Variants in NCKAP5 observed in about 807,000 individuals in gnomAD.
NCKAP5 encodes the protein nck-associated protein 5.
A neutral mutation model predicts 167.0 loss-of-function variants in NCKAP5; 92 were observed. The ratio of observed to expected loss-of-function variants is 0.55; its 90% CI spans 0.47 to 0.66. The LOEUF (loss-of-function observed/expected upper bound fraction) is 0.66. Among genes scored for constraint, NCKAP5 ranks in the 30% least tolerant of loss-of-function variants. The probability of loss-of-function intolerance (pLI) is 0.00; values close to 1 mark genes in which losing one functional copy is unlikely to be tolerated. For synonymous variants in NCKAP5, 891 were observed against 877.4 expected (o/e 1.02, Z -0.27); for missense variants, 2,378 against 2,315.0 (o/e 1.03, Z -0.56).
Position 132,806,193 on chromosome 2 carries a change from T to G in NCKAP5, c.808-9464A>C, listed in dbSNP as rs546831514. Among the ~76,000 whole-genome samples the G allele has an allele frequency of 1.4e-3, 215 of 152,372 alleles. 1 individual carries two copies. The highest frequency in any genetic ancestry group is 4.9e-3 in the African/African-American group (204 of 41,596). On this transcript the variant is annotated intron_variant, in intron 11 of 19. Coordinates refer to ENST00000409261, the MANE Select transcript of NCKAP5 (RefSeq NM_207363.3). ...CTCATTGACTGATGGGCATGTGGGT[T>G]GGTTACACAATTTTGCAATTGCGAA...
chr2:133,184,481 C>T (rs528032909), intron 5 of NCKAP5, among the ~76,000 whole-genome samples: 3 of 151,982 alleles, frequency 2.0e-5, no homozygotes, highest in African/African-American at 7.3e-5. Flanking sequence ...GGGTGTATAC[C>T]CAGTAATCGG....
intron 6 of NCKAP5, among the ~76,000 whole-genome samples, chr2:133,065,184 A>T (rs1332286364): frequency 6.6e-6 from 1 of 152,194 alleles, no homozygotes; most frequent in African/African-American, 2.4e-5. Flanking sequence ...CCATAGTTCT[A>T]ATGGCTCTTT....
chr2:132,688,409 C>T (rs146635063), intron 19 of NCKAP5, among the ~76,000 whole-genome samples: 1 of 151,960 alleles, frequency 6.6e-6, no homozygotes, highest in African/African-American at 2.4e-5. Flanking sequence ...CAAAAACACA[C>T]AAAAAAATCA....
intron 4 of NCKAP5, among the ~76,000 whole-genome samples, chr2:133,296,701 C>A (rs530023694): frequency 6.6e-6 from 1 of 152,312 alleles, no homozygotes; most frequent in East Asian, 1.9e-4. Flanking sequence ...TTAATACCTT[C>A]TTTTCACAGA....
intron 3 of NCKAP5, among the ~76,000 whole-genome samples, chr2:133,465,574 G>A (rs1198393254): frequency 6.6e-6 from 1 of 152,190 alleles, no homozygotes; most frequent in Non-Finnish European, 1.5e-5. Context: ...GATCCCTGAG[G>A]AATTGCCATA....
chr2:133,231,045 T>C (rs1459450409), intron 4 of NCKAP5, among the ~76,000 whole-genome samples: 2 of 152,196 alleles, frequency 1.3e-5, no homozygotes, highest in Non-Finnish European at 2.9e-5. Context: ...AAGGGAAAGA[T>C]ATTGTGAGGC....
chr2:133,404,719 G>T (rs1688315580), intron 3 of NCKAP5, among the ~76,000 whole-genome samples: 1 of 152,182 alleles, frequency 6.6e-6, no homozygotes, highest in Non-Finnish European at 1.5e-5. Flanking sequence ...GGGAAAATTT[G>T]TCCATTGTCT....
Position 133,413,748 on chromosome 2 carries a change from G to A in NCKAP5, c.69+103710C>T, listed in dbSNP as rs548354548. On this transcript the variant is annotated intron_variant, in intron 3 of 19. Transcript: ENST00000409261. ...TGTTCCCACAATAACATGTTCTCCC[G>A]TAACAATCAGAAGAAGCAGAGAAGC... is the stretch of plus-strand genomic sequence containing the variant. Among the ~76,000 whole-genome samples, 5 of 152,216 alleles carry A rather than the reference G, an allele frequency of 3.3e-5. No individual in the cohort carries two copies. The South Asian group carries it at 6.2e-4, about 19-fold the overall frequency.
chr2:133,348,724 A>G (rs891245151), intron 3 of NCKAP5, among the ~76,000 whole-genome samples: 1 of 152,188 alleles, frequency 6.6e-6, no homozygotes, highest in African/African-American at 2.4e-5. Context: ...TATTGCAGAC[A>G]ACATTTTCCT....
chr2:133,499,303 C>A, intron 3 of NCKAP5, among the ~76,000 whole-genome samples: 1 of 152,106 alleles, frequency 6.6e-6, no homozygotes, highest in Non-Finnish European at 1.5e-5. Context: ...ATTTAACTTG[C>A]AAAGCTTACT....
rs1681796800 is a variant in NCKAP5, at chr2:133,494,867, G to A, written c.69+22591C>T. On this transcript the variant is annotated intron_variant, in intron 3 of 19. Transcript: ENST00000409261. ...AGTAGAGGAAAATCTACATTTTGTC[G>A]AGAATCCCCTTCCCTTTCCAGGTCT... Among the ~76,000 whole-genome samples, 5 of 152,098 alleles carry A rather than the reference G, an allele frequency of 3.3e-5. No homozygotes were observed. The South Asian group carries it at 8.3e-4, about 25-fold the overall frequency.
Position 133,105,481 on chromosome 2 carries a change from T to A in NCKAP5, c.341+24497A>T, listed in dbSNP as rs570447592. ...ATCCAATTGACTTTCTCACTCTACA[T>A]GGGAGAATTTCCTCTCTCTACTCTT... On this transcript the variant is annotated intron_variant, in intron 6 of 19. Transcript: ENST00000409261. Among the ~76,000 whole-genome samples, 13 of 152,366 alleles carry A rather than the reference T, an allele frequency of 8.5e-5. 2 individuals are homozygous for A. The South Asian group carries it at 2.1e-3, about 24-fold the overall frequency.
Position 132,794,505 on chromosome 2 carries a change from G to A in NCKAP5, c.909+2123C>T, listed in dbSNP as rs575848399. ...AAAAAATTTAGCCAGGCATGGTGGT[G>A]TGCACCTGTAATCCCAGCTACCTGG... is the stretch of plus-strand genomic sequence containing the variant. On this transcript the variant is annotated intron_variant, in intron 12 of 19. Coordinates refer to ENST00000409261, the MANE Select transcript of NCKAP5 (RefSeq NM_207363.3). Among the ~76,000 whole-genome samples, 3 of 151,660 alleles carry A rather than the reference G, an allele frequency of 2.0e-5. No homozygotes were observed. The South Asian group carries it at 6.3e-4, about 32-fold the overall frequency.
chr2:133,176,629 C>T (rs2084473512), intron 5 of NCKAP5, among the ~76,000 whole-genome samples: 1 of 152,196 alleles, frequency 6.6e-6, no homozygotes, highest in South Asian at 2.1e-4. Context: ...TGCTAGTAAC[C>T]TGGTTTCTAG....
chr2:133,628,966 C>T, the NCKAP5 span, among the ~76,000 whole-genome samples: 5 of 152,186 alleles, frequency 3.3e-5, no homozygotes, highest in South Asian at 6.2e-4. Context: ...CCCTTCCTTA[C>T]ACCTTATACA....
intron 3 of NCKAP5, among the ~76,000 whole-genome samples, chr2:133,309,139 A>G (rs907085503): frequency 2.0e-5 from 3 of 152,218 alleles, no homozygotes; most frequent in African/African-American, 7.2e-5. Flanking sequence ...TATATGAAAG[A>G]TTAAAAGTAA....
intron 3 of NCKAP5, among the ~76,000 whole-genome samples, chr2:133,360,908 GA>G (rs1414197829): frequency 6.6e-6 from 1 of 151,054 alleles, no homozygotes; most frequent in African/African-American, 2.4e-5. Flanking sequence ...TCAGCAACTG[GA>G]ACCAATACAT....
intron 5 of NCKAP5, among the ~76,000 whole-genome samples, chr2:133,165,434 C>A (rs943661086): frequency 6.6e-6 from 1 of 152,120 alleles, no homozygotes; most frequent in Non-Finnish European, 1.5e-5. Context: ...TTTATAGAAG[C>A]AATCCAAATT....
At position 132,991,690 on chromosome 2, in the gene NCKAP5, G is replaced by A. The variant is rs117360886; in HGVS notation, c.429+2462C>T. On this transcript the variant is annotated intron_variant, in intron 7 of 19. Transcript: ENST00000409261. Reference sequence around the variant, plus strand: ...ACTGCTACCGCAGTGGAAAATGAAAGTAACTCCAGCTTTCCCAGGGGCCTA... The same window carrying A: ...ACTGCTACCGCAGTGGAAAATGAAAATAACTCCAGCTTTCCCAGGGGCCTA... Among the ~76,000 whole-genome samples, 8 of 152,250 alleles carry A rather than the reference G, an allele frequency of 5.3e-5. No homozygotes were observed. The East Asian group carries it at 1.5e-3, about 29-fold the overall frequency.
Sources: allele counts gnomAD v4.1 joint callset (sites outside exome capture counted in the v4.1 genomes callset), GRCh38; gene constraint gnomAD v4.1.1; transcripts MANE v1.5; gene names NCBI Gene and HGNC (gene_info 2026-07-23, HGNC 2026-07-21).